USP46: variants seen among roughly 807,000 people sequenced by gnomAD.
USP46 encodes ubiquitin carboxyl-terminal hydrolase 46.
A neutral mutation model predicts 44.4 loss-of-function variants in USP46; 12 were observed. The observed-to-expected ratio is 0.27, with a 90% CI of 0.17 to 0.44. USP46 has a LOEUF of 0.44. USP46 is among the 20% of genes least tolerant of loss of function. The pLI, the probability that USP46 is intolerant of heterozygous loss-of-function variation, is 1.00. For synonymous variants in USP46, 155 were observed against 161.5 expected (o/e 0.96, Z 0.31); for missense variants, 248 against 444.8 (o/e 0.56, Z 3.98).
intron 4 of USP46, among the ~76,000 whole-genome samples, chr4:52,618,122 G>A (rs1717236240): frequency 6.6e-6 from 1 of 152,068 alleles, no homozygotes; most frequent in Non-Finnish European, 1.5e-5. Flanking sequence ...AGTGGCTCAC[G>A]CCTATAATCC....
intron 1 of USP46, among the ~76,000 whole-genome samples, chr4:52,635,998 C>T (rs1718100875): frequency 6.6e-6 from 1 of 152,012 alleles, no homozygotes; most frequent in Non-Finnish European, 1.5e-5. Flanking sequence ...TAGTAGTCCC[C>T]CTAACCTCCA....
chr4:52,605,825 C>A (rs1716667317), intron 5 of USP46, among the ~76,000 whole-genome samples: 1 of 152,230 alleles, frequency 6.6e-6, no homozygotes. Context: ...TCCAGCCACA[C>A]TGGCCCTGGG....
At chr4:52,629,066 T>C (rs1717707247) in intron 2 of USP46, among the ~76,000 whole-genome samples, 1 of 152,074 alleles carries the variant, frequency 6.6e-6, no homozygotes, top group Non-Finnish European at 1.5e-5. Flanking sequence ...TCTAAGGAAA[T>C]AACTAACAAG....
At chr4:52,652,804 G>A (rs1718813633) in intron 1 of USP46, among the ~76,000 whole-genome samples, 1 of 152,112 alleles carries the variant, frequency 6.6e-6, no homozygotes, top group African/African-American at 2.4e-5. Flanking sequence ...CTCATAGGTG[G>A]TTTTAAATGT....
At position 52,632,998 on chromosome 4, in the gene USP46, G is replaced by GAGA. The variant is rs1560406287; in HGVS notation, c.37-1855_37-1854insTCT. On this transcript the variant is annotated intron_variant, in intron 1 of 8. Transcript: ENST00000441222. ...AAAGAAAGAAAGAAAAGAAAAGAAA[G>GAGA]AAAGAAAGAAAGAAAGAAAGAAAGA... Among the ~76,000 whole-genome samples, 69 of 112,612 alleles carry GAGA rather than the reference G, an allele frequency of 6.1e-4. 1 individual carries two copies. The highest frequency in any genetic ancestry group is 2.6e-3 in the African/African-American group (69 of 26,786). The allele number at this position is 112,612 out of a possible 152,430, so 73.9% of individuals were successfully genotyped here.
intron 4 of USP46, among the ~76,000 whole-genome samples, chr4:52,621,351 A>G (rs1016069867): frequency 6.6e-6 from 1 of 152,304 alleles, no homozygotes; most frequent in East Asian, 1.9e-4. Flanking sequence ...AAGTGGGGTC[A>G]ACATTAGAAA....
intron 1 of USP46, among the ~76,000 whole-genome samples, chr4:52,657,019 G>A (rs530649325): frequency 8.9e-5 from 13 of 145,268 alleles, no homozygotes; most frequent in African/African-American, 3.1e-4. Context: ...CTCCAGCCTG[G>A]GTGACAGTGT....
At chr4:52,636,949 T>TA (rs1395427663) in intron 1 of USP46, among the ~76,000 whole-genome samples, 1 of 151,662 alleles carries the variant, frequency 6.6e-6, no homozygotes, top group African/African-American at 2.4e-5. Flanking sequence ...AGCTGGGACT[T>TA]ACAGGTGCAT....
At chr4:52,658,135 G>A (rs1271861023) in intron 1 of USP46, 1 of 446,514 alleles carries the variant, frequency 2.2e-6, no homozygotes, top group African/African-American at 2.0e-5. Flanking sequence ...GAGGCGGGGT[G>A]CAGTCTAAAG....
At chr4:52,646,130 T>G (rs867512193) in intron 1 of USP46, among the ~76,000 whole-genome samples, 3 of 152,164 alleles carry the variant, frequency 2.0e-5, no homozygotes, top group Non-Finnish European at 4.4e-5. Context: ...CTCTGTAAAT[T>G]TTATTAATAG....
chr4:52,621,034 T>C (rs549637790), intron 4 of USP46, among the ~76,000 whole-genome samples: 1 of 152,202 alleles, frequency 6.6e-6, no homozygotes, highest in South Asian at 2.1e-4. Context: ...TATTTATATG[T>C]ATCAAAATAT....
chr4:52,646,933 G>C (rs755209973), intron 1 of USP46, among the ~76,000 whole-genome samples: 4 of 152,180 alleles, frequency 2.6e-5, no homozygotes, highest in Admixed American at 6.5e-5. Flanking sequence ...TGCTGATGGA[G>C]GGCAATTTGG....
Position 52,593,153 on chromosome 4 carries a change from G to A in USP46, c.*4487C>T. On this transcript the variant is annotated 3_prime_UTR_variant, in exon 9 of 9. Transcript: ENST00000441222. The stretch of plus-strand genomic sequence containing the variant: ...GGAAGGCTTCATTTTTTTAGTAAAG[G>A]TATTTTAAGTATCAATAAAAAGAGA... The A allele has an allele frequency of 2.6e-6, 1 of 387,912 alleles. No homozygotes were observed. Among genetic ancestry groups the A allele is most frequent in the Non-Finnish European group, 4.5e-6 (1 of 220,066 alleles). The allele number at this position is 387,912 out of a possible 1,614,324, so 24.0% of individuals were successfully genotyped here. A position where few individuals can be genotyped will look rare whatever the true frequency, so the allele number is the denominator to read the frequency against.
At chr4:52,635,658 C>T (rs1718085981) in intron 1 of USP46, among the ~76,000 whole-genome samples, 1 of 152,182 alleles carries the variant, frequency 6.6e-6, no homozygotes, top group Non-Finnish European at 1.5e-5. Flanking sequence ...GCAATCTCTC[C>T]TCCTCTATCA....
At chr4:52,608,354 C>A (rs1248494323) in intron 5 of USP46, among the ~76,000 whole-genome samples, 1 of 152,232 alleles carries the variant, frequency 6.6e-6, no homozygotes, top group Non-Finnish European at 1.5e-5. Context: ...AATCCTCAAG[C>A]AATGCTTCCC....
intron 1 of USP46, chr4:52,656,640 C>A: frequency 1.8e-6 from 2 of 1,112,578 alleles, no homozygotes; most frequent in Non-Finnish European, 2.2e-6. Context: ...TAGCCATGTA[C>A]CAGGCCCTGT....
intron 7 of USP46, 131 bp downstream of exon 7, chr4:52,601,726 T>C: frequency 1.2e-6 from 1 of 808,636 alleles, no homozygotes; most frequent in Non-Finnish European, 1.8e-6. Context: ...TTTGTGATGA[T>C]CAGTAAGAGT....
chr4:52,648,402 A>G lies in USP46; in HGVS notation c.36+10713T>C, dbSNP rs34324295. 2.0e-5 allele frequency among the ~76,000 whole-genome samples: 3 copies of G among 152,230 alleles called. No homozygotes were observed. The South Asian group carries it at 6.2e-4, about 32-fold the overall frequency. On this transcript the variant is annotated intron_variant, in intron 1 of 8. Coordinates refer to ENST00000441222, the MANE Select transcript of USP46 (RefSeq NM_022832.4). ...CAATAATGTTTTTGAAAAGGATTAG[A>G]AAAGCATAAAATTAGCTCATCAAAC...
chr4:52,641,262 G>T (rs1204141873), intron 1 of USP46, among the ~76,000 whole-genome samples: 1 of 151,964 alleles, frequency 6.6e-6, no homozygotes, highest in Non-Finnish European at 1.5e-5. Flanking sequence ...AGAAACATAG[G>T]GTTCTTATTT....
Sources: gnomAD v4.1 joint callset for allele counts (sites outside exome capture counted in the v4.1 genomes callset) on GRCh38, gnomAD v4.1.1 for gene constraint, MANE v1.5 for transcripts, NCBI Gene and HGNC (gene_info 2026-07-23, HGNC 2026-07-21) for gene names.